EYS: variants seen among roughly 807,000 people sequenced by gnomAD.
EYS encodes the protein protein eyes shut homolog.
Under a neutral mutation model 282.1 loss-of-function variants are expected in EYS, and 250 were observed. The ratio of observed to expected loss-of-function variants is 0.89; its 90% CI spans 0.80 to 0.98. EYS has a LOEUF of 0.98. Among genes scored for constraint, EYS ranks in the 50% least tolerant of loss-of-function variants. EYS has a pLI of 0.00. For missense variants in EYS, 4,016 were observed against 3,709.0 expected, an observed-to-expected ratio of 1.08 and a Z score of -2.15; for synonymous variants, 1,355 against 1,282.9, an observed-to-expected ratio of 1.06 and a Z score of -1.20.
intron 15 of EYS, among the ~76,000 whole-genome samples, chr6:64,940,483 A>C (rs1769053009): frequency 6.6e-6 from 1 of 152,086 alleles, no homozygotes; most frequent in Admixed American, 6.6e-5. Context: ...AAAATAAAAC[A>C]GATAACAATT....
At chr6:65,456,573 T>C (rs1764626471) in intron 5 of EYS, among the ~76,000 whole-genome samples, 1 of 152,100 alleles carries the variant, frequency 6.6e-6, no homozygotes, top group African/African-American at 2.4e-5. Flanking sequence ...TATGATCAAG[T>C]GGAAATCATC....
At chr6:65,158,843 C>T (rs1023933225) in intron 12 of EYS, among the ~76,000 whole-genome samples, 1 of 150,852 alleles carries the variant, frequency 6.6e-6, no homozygotes, top group Admixed American at 6.6e-5. Flanking sequence ...ACACTTTCTG[C>T]CTTTATGAAT....
intron 36 of EYS, among the ~76,000 whole-genome samples, chr6:63,827,579 T>C (rs1452787399): frequency 4.6e-5 from 7 of 152,038 alleles, no homozygotes; most frequent in Admixed American, 4.6e-4. Context: ...GCGCGGTGGC[T>C]CACGCCTGTA....
At chr6:63,950,223 T>C (rs1038330515) in intron 35 of EYS, among the ~76,000 whole-genome samples, 29 of 149,466 alleles carry the variant, frequency 1.9e-4, no homozygotes, top group African/African-American at 5.9e-4. Flanking sequence ...AAACAAAACC[T>C]GCTTGTCAGG....
At position 65,705,790 on chromosome 6, in the gene EYS, T is replaced by C. The variant is rs531963295; in HGVS notation, c.-448+1345A>G. ...TAGTAAAATGTTGCAAACATTTTTG[T>C]TTAAAAGGGCCATTTTTAGGCCAAT... On this transcript the variant is annotated intron_variant, in intron 1 of 42. Coordinates refer to ENST00000503581, the MANE Select transcript of EYS (RefSeq NM_001142800.2). Among the ~76,000 whole-genome samples the C allele has an allele frequency of 1.6e-4, 24 of 152,214 alleles. No homozygotes were observed. In the East Asian group the frequency reaches 4.5e-3, roughly 28 times the overall value.
chr6:64,904,866 T>C (rs931831354), intron 16 of EYS, among the ~76,000 whole-genome samples: 12 of 152,186 alleles, frequency 7.9e-5, no homozygotes, highest in Admixed American at 6.5e-4. Flanking sequence ...TGGAGTTTTG[T>C]TACCAGCTAG....
intron 12 of EYS, among the ~76,000 whole-genome samples, chr6:65,292,799 G>A (rs1467106353): frequency 6.6e-6 from 1 of 151,638 alleles, no homozygotes; most frequent in Non-Finnish European, 1.5e-5. Flanking sequence ...CTATGGAAAA[G>A]AAATTAATCC....
At chr6:64,849,357 T>C (rs1489030112) in intron 19 of EYS, among the ~76,000 whole-genome samples, 2 of 151,944 alleles carry the variant, frequency 1.3e-5, no homozygotes, top group Non-Finnish European at 2.9e-5. Context: ...TAGGTTTTAT[T>C]AGAATTATAG....
chr6:64,312,715 T>G (rs922494475), intron 29 of EYS, among the ~76,000 whole-genome samples: 1 of 152,198 alleles, frequency 6.6e-6, no homozygotes, highest in African/African-American at 2.4e-5. Context: ...TTCTGCAGCC[T>G]CTGCTGGTGA....
intron 31 of EYS, among the ~76,000 whole-genome samples, chr6:64,139,306 T>C (rs534352119): frequency 6.7e-4 from 102 of 152,078 alleles, no homozygotes; most frequent in Admixed American, 2.4e-3. Context: ...TCATAGGGAG[T>C]GTATCCTGAA....
chr6:65,489,851 C>T (rs1216795195), intron 5 of EYS: 1 of 152,090 alleles, frequency 6.6e-6, no homozygotes, highest in East Asian at 1.9e-4. Context: ...AGCTGGAAAC[C>T]ATCATTCTCA....
intron 12 of EYS, among the ~76,000 whole-genome samples, chr6:65,187,854 T>C (rs1277009779): frequency 6.6e-6 from 1 of 151,700 alleles, no homozygotes; most frequent in Non-Finnish European, 1.5e-5. Context: ...AATTTTATTT[T>C]TCCCAAATTA....
At chr6:64,133,419 GGCATTA>G (rs2150283203) in intron 31 of EYS, among the ~76,000 whole-genome samples, 1 of 150,770 alleles carries the variant, frequency 6.6e-6, no homozygotes, top group African/African-American at 2.4e-5. Context: ...CACTAAGCTT[GGCATTA>G]TCTGTGGGTT....
At chr6:65,413,400 T>C (rs1292950103) in intron 5 of EYS, among the ~76,000 whole-genome samples, 1 of 152,090 alleles carries the variant, frequency 6.6e-6, no homozygotes, top group Non-Finnish European at 1.5e-5. Context: ...ATCAATTAAT[T>C]ATATAGTACA....
rs1313003823 is a variant in EYS at position 64,665,829 on chromosome 6, CA to C, written c.3444-39585del. ...ATTTGTGAACATGCCATATATTTGTCACTCCATTCTAAAGAGAATGCCCGAT... is the reference window on the plus strand; with the variant it reads ...ATTTGTGAACATGCCATATATTTGTCCTCCATTCTAAAGAGAATGCCCGAT... On this transcript the variant is annotated intron_variant, in intron 22 of 42. Coordinates refer to ENST00000503581, the MANE Select transcript of EYS (RefSeq NM_001142800.2). 8.5e-5 allele frequency among the ~76,000 whole-genome samples: 13 copies of C among 152,218 alleles called. No individual in the cohort carries two copies. The South Asian group carries it at 2.5e-3, about 29-fold the overall frequency.
intron 8 of EYS, among the ~76,000 whole-genome samples, chr6:65,363,718 A>G (rs1764805488): frequency 6.6e-6 from 1 of 152,030 alleles, no homozygotes; most frequent in East Asian, 1.9e-4. Flanking sequence ...GATAACTTCA[A>G]TCTATCAGTA....
intron 12 of EYS, among the ~76,000 whole-genome samples, chr6:65,142,072 T>C (rs920261181): frequency 7.9e-5 from 12 of 152,070 alleles, no homozygotes; most frequent in African/African-American, 2.9e-4. Context: ...TGATTAGATC[T>C]TTCAACTTGT....
chr6:64,852,628 A>C (rs1412655839), intron 19 of EYS, among the ~76,000 whole-genome samples: 1 of 152,152 alleles, frequency 6.6e-6, no homozygotes, highest in Non-Finnish European at 1.5e-5. Flanking sequence ...AGTTAAGATG[A>C]GGTTATACTG....
At chr6:64,175,554 C>T (rs933027484) in intron 31 of EYS, among the ~76,000 whole-genome samples, 1 of 152,300 alleles carries the variant, frequency 6.6e-6, no homozygotes, top group South Asian at 2.1e-4. Context: ...CATTCACTGG[C>T]TTCTGTCTCT....
Sources: gnomAD v4.1 joint callset for allele counts (sites outside exome capture counted in the v4.1 genomes callset) on GRCh38, gnomAD v4.1.1 for gene constraint, MANE v1.5 for transcripts, NCBI Gene and HGNC (gene_info 2026-07-23, HGNC 2026-07-21) for gene names.